Variants in NBEAL1 observed in about 807,000 individuals in gnomAD.
NBEAL1 encodes the protein neurobeachin-like protein 1.
NBEAL1 carries 273 observed loss-of-function variants against 351.3 expected under a neutral mutation model. That is an observed-to-expected ratio of 0.78 (90% CI 0.70 to 0.86). The LOEUF (loss-of-function observed/expected upper bound fraction) is 0.86. NBEAL1 is among the 40% of genes least tolerant of loss of function. NBEAL1 has a pLI of 0.00. For missense variants in NBEAL1, 2,961 were observed against 3,201.3 expected (o/e 0.92, Z 1.81); for synonymous variants, 1,050 against 1,086.4 (o/e 0.97, Z 0.66).
chr2:203,021,103 T>A (rs1475654205), intron 2 of NBEAL1, among the ~76,000 whole-genome samples: 1 of 151,988 alleles, frequency 6.6e-6, no homozygotes, highest in Non-Finnish European at 1.5e-5. Context: ...AATTTTTGTA[T>A]TTTTAGTAGT....
At chr2:203,066,605 G>T (rs1369653059) in intron 6 of NBEAL1, among the ~76,000 whole-genome samples, 1 of 152,144 alleles carries the variant, frequency 6.6e-6, no homozygotes, top group African/African-American at 2.4e-5. Flanking sequence ...GGAGCTGTTG[G>T]GTACACTTCC....
At chr2:203,155,472 T>C (rs191472646) in intron 35 of NBEAL1, among the ~76,000 whole-genome samples, 1 of 152,224 alleles carries the variant, frequency 6.6e-6, no homozygotes, top group Non-Finnish European at 1.5e-5. Flanking sequence ...GATATCTTTC[T>C]GTCACCCAGG....
intron 2 of NBEAL1, among the ~76,000 whole-genome samples, chr2:203,019,541 T>C (rs1400317495): frequency 2.0e-5 from 3 of 152,206 alleles, no homozygotes; most frequent in Non-Finnish European, 4.4e-5. Flanking sequence ...CATACCTGAT[T>C]AAAGAAGACA....
intron 18 of NBEAL1, among the ~76,000 whole-genome samples, chr2:203,117,823 C>T (rs1269131905): frequency 6.6e-6 from 1 of 151,494 alleles, no homozygotes. Context: ...GCTAGGACTA[C>T]AGGCATGTGC....
chr2:203,212,687 G>T (rs1215210378), intron 54 of NBEAL1, among the ~76,000 whole-genome samples: 1 of 151,798 alleles, frequency 6.6e-6, no homozygotes, highest in Admixed American at 6.6e-5. Context: ...TAAATTATAT[G>T]ATTCCAGTTA....
In NBEAL1 at chr2:203,222,606, A is replaced by G. The variant is rs2065964409; in HGVS notation, c.*5252A>G. 6.6e-6 allele frequency among the ~76,000 whole-genome samples: 1 copy of G among 152,166 alleles called. No individual in the cohort carries two copies. The highest frequency in any genetic ancestry group is 6.5e-5 in the Admixed American group (1 of 15,278). The stretch of plus-strand genomic sequence containing the variant: ...CTCTTTAGACTGTTCACATTTGAAA[A>G]TTATAACTAATATTTGCCTCCAGAA... On this transcript the variant is annotated 3_prime_UTR_variant, in exon 56 of 56. Coordinates refer to ENST00000683969, the MANE Select transcript of NBEAL1 (RefSeq NM_001378026.1).
chr2:203,161,861 C>T (rs1312742708), intron 36 of NBEAL1, among the ~76,000 whole-genome samples: 6 of 151,778 alleles, frequency 4.0e-5, no homozygotes, highest in South Asian at 2.1e-4. Flanking sequence ...AAGCAAGACC[C>T]GCCCATCTCT....
rs1389933509 is a variant in NBEAL1, at chr2:203,059,211, A to G, written c.515+1758A>G. Reference sequence around the variant, plus strand: ...GTAACACCTTTTGTATGTTCTATATAGTGATGTAATATTTTATTGAAATCA... The same window carrying G: ...GTAACACCTTTTGTATGTTCTATATGGTGATGTAATATTTTATTGAAATCA... On this transcript the variant is annotated intron_variant, in intron 6 of 55. Transcript: ENST00000683969. Among the ~76,000 whole-genome samples the G allele has an allele frequency of 3.9e-5, 6 of 152,350 alleles. No individual in the cohort carries two copies. The East Asian group carries it at 1.2e-3, about 29-fold the overall frequency.
At chr2:203,071,410 C>T (rs1429028792) in intron 7 of NBEAL1, among the ~76,000 whole-genome samples, 1 of 152,108 alleles carries the variant, frequency 6.6e-6, no homozygotes, top group Non-Finnish European at 1.5e-5. Flanking sequence ...AGTTTTATGA[C>T]CTCATTTAAC....
Position 203,208,676 on chromosome 2 carries a change from A to T in NBEAL1, c.7546A>T (p.Ile2516Phe), listed in dbSNP as rs1309597767. The T allele has an allele frequency of 1.2e-6, 2 of 1,612,316 alleles. No homozygotes were observed. The highest frequency in any genetic ancestry group is 1.7e-5 in the Admixed American group (1 of 59,398). ...PVGLASKPFQILYGHTNEVLS... is the reference protein window; with the variant it reads ...PVGLASKPFQFLYGHTNEVLS... ...GGGCTTAGCATCTAAACCTTTTCAG[A>T]TTCTTTATGGACACACCAACGAGGT... The change falls in exon 52 of 56, where the codon ATT (isoleucine) becomes TTT (phenylalanine). Residue 2516 changes from isoleucine to phenylalanine, a missense_variant. Physicochemically the swap from Ile to Phe is conservative, Grantham distance 21. Coordinates refer to ENST00000683969, the MANE Select transcript of NBEAL1 (RefSeq NM_001378026.1).
intron 19 of NBEAL1, among the ~76,000 whole-genome samples, chr2:203,125,065 C>T (rs183739883): frequency 9.0e-4 from 137 of 152,152 alleles, no homozygotes; most frequent in African/African-American, 3.2e-3. Flanking sequence ...ATTATAAAGT[C>T]CACTTATGGG....
chr2:203,207,316 C>A (rs1312496614), intron 51 of NBEAL1, among the ~76,000 whole-genome samples: 1 of 151,844 alleles, frequency 6.6e-6, no homozygotes, highest in South Asian at 2.1e-4. Flanking sequence ...CCCGGCCAGC[C>A]GCCCCCTCCG....
chr2:203,046,986 C>T (rs746593690), intron 3 of NBEAL1, among the ~76,000 whole-genome samples: 1 of 152,060 alleles, frequency 6.6e-6, no homozygotes, highest in Non-Finnish European at 1.5e-5. Flanking sequence ...ACCTGCCTGA[C>T]CAACATGGAG....
chr2:203,190,704 G>A (rs1301068914), intron 46 of NBEAL1: 5 of 1,561,418 alleles, frequency 3.2e-6, no homozygotes, highest in Non-Finnish European at 3.5e-6. Context: ...CTCGGCTTTC[G>A]GCTCGGAGGA....
At position 203,039,189 on chromosome 2, in the gene NBEAL1, T is replaced by TTTC. The variant is rs2061088538; in HGVS notation, c.52-2576_52-2575insTTC. ...CTGTCTTTTTTCTTTCCTTTCCTTT[T>TTTC]CTTTCCTTTCCTTTCCTTTCCTTTC... On this transcript the variant is annotated intron_variant, in intron 2 of 55. Transcript: ENST00000683969. 2.6e-5 allele frequency among the ~76,000 whole-genome samples: 3 copies of TTTC among 115,988 alleles called. 1 individual carries two copies. Among genetic ancestry groups the TTTC allele is most frequent in the African/African-American group, 8.8e-5 (3 of 34,064 alleles). The allele number at this position is 115,988 out of a possible 152,430, so 76.1% of individuals were successfully genotyped here. A position where few individuals can be genotyped will look rare whatever the true frequency, so the allele number is the denominator to read the frequency against.
At position 203,125,846 on chromosome 2, in the gene NBEAL1, C is replaced by T. The variant is rs529600094; in HGVS notation, c.2852-114C>T. The T allele has an allele frequency of 4.7e-6, 4 of 854,094 alleles. No homozygotes were observed. The African/African-American group carries it at 5.3e-5, about 11-fold the overall frequency. 52.9% of individuals were successfully genotyped at this position (854,094 alleles called of 1,614,324 possible). On this transcript the variant is annotated intron_variant, in intron 20 of 55. Coordinates refer to ENST00000683969, the MANE Select transcript of NBEAL1 (RefSeq NM_001378026.1). The stretch of plus-strand genomic sequence containing the variant: ...CTATTGTACAATAGAGCGTTGGAAG[C>T]TGACTGCTGAACCAGATTTCTACTT...
chr2:203,180,376 A>G lies in NBEAL1; in HGVS notation c.6465-6A>G. The G allele has an allele frequency of 1.9e-6, 3 of 1,594,710 alleles. No individual in the cohort carries two copies. The highest frequency in any genetic ancestry group is 1.2e-5 in the South Asian group (1 of 86,208). ...TATTTACTTCTCTTTTAATTTCTAC[A>G]TGCAGGTTTGACTGTGCAGATCGAC... On this transcript the variant is annotated splice_region_variant and splice_polypyrimidine_tract_variant and intron_variant, in intron 42 of 55. Transcript: ENST00000683969.
chr2:203,215,602 C>T (rs554593785), intron 55 of NBEAL1, among the ~76,000 whole-genome samples: 5 of 151,728 alleles, frequency 3.3e-5, no homozygotes, highest in East Asian at 3.9e-4. Flanking sequence ...GCAGGAGAAT[C>T]GCTTGAACCC....
chr2:203,157,910 A>C, intron 36 of NBEAL1, 85 bp downstream of exon 36: 1 of 1,129,012 alleles, frequency 8.9e-7, no homozygotes, highest in Non-Finnish European at 1.2e-6. Context: ...TTCTAACACC[A>C]TGTATTTCCA....
Sources: allele counts gnomAD v4.1 joint callset (sites outside exome capture counted in the v4.1 genomes callset), GRCh38; gene constraint gnomAD v4.1.1; transcripts MANE v1.5; gene names NCBI Gene and HGNC (gene_info 2026-07-23, HGNC 2026-07-21).